PPM1L: variants seen among roughly 807,000 people sequenced by gnomAD.
The protein encoded by PPM1L is protein phosphatase 1L.
Under a neutral mutation model 31.4 loss-of-function variants are expected in PPM1L, and 13 were observed. The ratio of observed to expected loss-of-function variants is 0.41; its 90% CI spans 0.27 to 0.66. The LOEUF is 0.66. Ranked by LOEUF, PPM1L falls within the 30% of genes least tolerant of loss-of-function variation. The pLI, the probability that PPM1L is intolerant of heterozygous loss-of-function variation, is 0.29. For missense variants in PPM1L, 326 were observed against 453.7 expected (o/e 0.72, Z 2.56); for synonymous variants, 184 against 175.4 (o/e 1.05, Z -0.39).
At chr3:161,027,903 G>C (rs1576792462) in intron 2 of PPM1L, among the ~76,000 whole-genome samples, 1 of 152,160 alleles carries the variant, frequency 6.6e-6, no homozygotes, top group Admixed American at 6.5e-5. Flanking sequence ...CATATGGAGG[G>C]CTCCTCATGG....
intron 1 of PPM1L, among the ~76,000 whole-genome samples, chr3:160,817,573 A>G (rs1713035763): frequency 2.0e-5 from 3 of 151,784 alleles, no homozygotes; most frequent in African/African-American, 7.3e-5. Flanking sequence ...TCTTCAAACT[A>G]TTTTTCTTTA....
chr3:160,786,858 C>A (rs1371572384), intron 1 of PPM1L, among the ~76,000 whole-genome samples: 1 of 152,048 alleles, frequency 6.6e-6, no homozygotes, highest in East Asian at 1.9e-4. Flanking sequence ...ATTTGGTTTT[C>A]TGTTTCTCTG....
chr3:160,823,727 T>C (rs1713274359), intron 1 of PPM1L, among the ~76,000 whole-genome samples: 1 of 152,150 alleles, frequency 6.6e-6, no homozygotes, highest in Non-Finnish European at 1.5e-5. Flanking sequence ...ACAAGAATCC[T>C]ATGAAGCAAG....
chr3:161,054,363 C>T (rs1719357264), intron 2 of PPM1L, among the ~76,000 whole-genome samples: 1 of 151,104 alleles, frequency 6.6e-6, no homozygotes, highest in South Asian at 2.1e-4. Flanking sequence ...ATTGACTGAC[C>T]TTGTACTATG....
intron 2 of PPM1L, among the ~76,000 whole-genome samples, chr3:161,037,218 A>G (rs558982455): frequency 6.6e-6 from 1 of 152,290 alleles, no homozygotes; most frequent in East Asian, 1.9e-4. Context: ...ACTGGGTTAT[A>G]TAAAGACTGG....
In PPM1L at chr3:161,069,127, C is replaced by G. The variant is rs1478001319; in HGVS notation, c.1053C>G (p.Phe351Leu). The change falls in exon 4 of 4, where the codon TTC becomes TTG. Residue 351 changes from phenylalanine (F) to leucine (L), a missense_variant. Phe to Leu is a conservative substitution (Grantham distance 22). Transcript: ENST00000498165. ...ATATAACAGTCATGGTGGTGAAGTTCAGAAATAGCAGCAAAACAGAAGAGC... is the reference window on the plus strand; with the variant it reads ...ATATAACAGTCATGGTGGTGAAGTTGAGAAATAGCAGCAAAACAGAAGAGC... ...PDNITVMVVK[F>L]RNSSKTEEQ 6.2e-7 allele frequency: 1 copy of G among 1,613,652 alleles called. No individual in the cohort carries two copies. The highest frequency in any genetic ancestry group is 8.5e-7 in the Non-Finnish European group (1 of 1,179,888).
chr3:161,061,682 G>A (rs1719574815), intron 2 of PPM1L, among the ~76,000 whole-genome samples: 1 of 152,206 alleles, frequency 6.6e-6, no homozygotes, highest in Admixed American at 6.5e-5. Context: ...ACAAGAGGAT[G>A]TACATAGGTT....
At chr3:160,889,615 A>G (rs745557859) in intron 1 of PPM1L, among the ~76,000 whole-genome samples, 1 of 152,238 alleles carries the variant, frequency 6.6e-6, no homozygotes, top group Non-Finnish European at 1.5e-5. Context: ...TATTCCAAAC[A>G]GTTGAAAAGG....
At chr3:161,000,297 CA>C (rs2108051045) in intron 2 of PPM1L, among the ~76,000 whole-genome samples, 1 of 152,190 alleles carries the variant, frequency 6.6e-6, no homozygotes, top group South Asian at 2.1e-4. Context: ...AGCTGTAATT[CA>C]AAGTAGATCT....
chr3:161,032,417 TCTTA>T (rs1371019427), intron 2 of PPM1L, among the ~76,000 whole-genome samples: 1 of 152,208 alleles, frequency 6.6e-6, no homozygotes, highest in Non-Finnish European at 1.5e-5. Context: ...TGGAAGGCTT[TCTTA>T]CTTACATATA....
chr3:161,027,772 G>T (rs978324028), intron 2 of PPM1L, among the ~76,000 whole-genome samples: 3 of 152,138 alleles, frequency 2.0e-5, no homozygotes, highest in African/African-American at 7.2e-5. Flanking sequence ...GTCCCTCCAG[G>T]TGAATCTTAT....
chr3:160,778,329 A>T (rs1440444630), intron 1 of PPM1L, among the ~76,000 whole-genome samples: 1 of 152,062 alleles, frequency 6.6e-6, no homozygotes, highest in Non-Finnish European at 1.5e-5. Flanking sequence ...TATTTCTAAT[A>T]TATTTTTATA....
In PPM1L at chr3:160,756,358, G is replaced by A. The variant is rs766592549; in HGVS notation, c.50G>A (p.Arg17His). The A allele has an allele frequency of 6.2e-7, 1 of 1,614,058 alleles. No individual in the cohort carries two copies. Among genetic ancestry groups the A allele is most frequent in the Non-Finnish European group, 8.5e-7 (1 of 1,180,030 alleles). Residue 17 changes from arginine (R) to histidine (H), a missense_variant, in exon 1 of 4, where the codon CGC (arginine) becomes CAC (histidine). Transcript: ENST00000498165. This position sits in a 1 kb window ranked among gnomAD's most constrained non-coding sequence, Gnocchi z 6.2. ...TLLSLLGRIM[R>H]YFLLRPETLF... ...CTGTCTCTGCTGGGTCGCATCATGC[G>A]CTACTTCTTGCTGAGACCCGAGACG...
At chr3:160,960,871 A>ATAT (rs1715941807) in intron 1 of PPM1L, among the ~76,000 whole-genome samples, 1 of 152,208 alleles carries the variant, frequency 6.6e-6, no homozygotes, top group South Asian at 2.1e-4. Context: ...CTACCACTGC[A>ATAT]GCCTACCAGA....
intron 1 of PPM1L, among the ~76,000 whole-genome samples, chr3:160,884,966 T>A (rs904795530): frequency 6.6e-6 from 1 of 152,212 alleles, no homozygotes; most frequent in African/African-American, 2.4e-5. Context: ...CCTCAAAAGA[T>A]GTTCTCTTCT....
At chr3:160,991,773 C>T (rs920417567) in intron 2 of PPM1L, among the ~76,000 whole-genome samples, 1 of 152,120 alleles carries the variant, frequency 6.6e-6, no homozygotes, top group African/African-American at 2.4e-5. Context: ...AATTGACCAG[C>T]CTACTGTCTA....
At chr3:160,924,048 A>G (rs1031999846) in intron 1 of PPM1L, among the ~76,000 whole-genome samples, 3 of 152,194 alleles carry the variant, frequency 2.0e-5, no homozygotes, top group Non-Finnish European at 2.9e-5. Context: ...CAGTACAACA[A>G]ATGTCCTGTT....
At chr3:160,759,877 A>G (rs954071682) in intron 1 of PPM1L, among the ~76,000 whole-genome samples, 3 of 152,260 alleles carry the variant, frequency 2.0e-5, no homozygotes, top group East Asian at 1.9e-4. Flanking sequence ...CTGGGAGTTT[A>G]TTATCTAAAA....
At chr3:160,863,090 C>T (rs763546045) in intron 1 of PPM1L, among the ~76,000 whole-genome samples, 13 of 152,158 alleles carry the variant, frequency 8.5e-5, no homozygotes, top group Middle Eastern at 3.2e-3. Context: ...TCCACTGACA[C>T]ATTTTCACAA....
Sources: allele counts gnomAD v4.1 joint callset (sites outside exome capture counted in the v4.1 genomes callset), GRCh38; gene constraint gnomAD v4.1.1; non-coding constraint Gnocchi (gnomAD v3.1); transcripts MANE v1.5; gene names NCBI Gene and HGNC (gene_info 2026-07-23, HGNC 2026-07-21).